Variants in MYO1E observed in about 807,000 individuals in gnomAD.
MYO1E encodes the protein myosin IE.
Under a neutral mutation model 151.1 loss-of-function variants are expected in MYO1E, and 68 were observed. The observed-to-expected ratio is 0.45, with a 90% CI of 0.37 to 0.55. The LOEUF is 0.55. Among genes scored for constraint, MYO1E ranks in the 20% least tolerant of loss-of-function variants. The pLI is 0.00. For synonymous variants in MYO1E, 601 were observed against 501.7 expected, an observed-to-expected ratio of 1.20 and a Z score of -2.64; for missense variants, 1,363 against 1,389.3, an observed-to-expected ratio of 0.98 and a Z score of 0.30.
intron 9 of MYO1E, among the ~76,000 whole-genome samples, chr15:59,222,691 A>G (rs1193175372): frequency 6.6e-6 from 1 of 152,212 alleles, no homozygotes; most frequent in Non-Finnish European, 1.5e-5. Context: ...CAGTTACTGA[A>G]AAGGTTTTGA....
chr15:59,205,027 G>A (rs2079824136), intron 15 of MYO1E, among the ~76,000 whole-genome samples: 1 of 152,220 alleles, frequency 6.6e-6, no homozygotes, highest in Admixed American at 6.5e-5. Context: ...ACATAAAAGG[G>A]AGAGACTGAT....
At chr15:59,140,389 C>CA (rs2079402294) in intron 26 of MYO1E, among the ~76,000 whole-genome samples, 3 of 152,114 alleles carry the variant, frequency 2.0e-5, no homozygotes, top group African/African-American at 7.2e-5. Flanking sequence ...TTAGCAAAAA[C>CA]AAAAAGGAAA....
chr15:59,233,317 T>C (rs1461460205), intron 5 of MYO1E, among the ~76,000 whole-genome samples: 1 of 152,124 alleles, frequency 6.6e-6, no homozygotes, highest in Non-Finnish European at 1.5e-5. Context: ...CAACAGAATT[T>C]TGTGGCATGT....
At chr15:59,205,814 T>C (rs138321822) in intron 14 of MYO1E, among the ~76,000 whole-genome samples, 4 of 152,140 alleles carry the variant, frequency 2.6e-5, no homozygotes, top group African/African-American at 4.8e-5. Flanking sequence ...AGTGGATCCA[T>C]AGGGGTGTCT....
chr15:59,150,719 A>C (rs180877974), intron 26 of MYO1E, among the ~76,000 whole-genome samples: 23 of 152,232 alleles, frequency 1.5e-4, no homozygotes, highest in African/African-American at 5.5e-4. Flanking sequence ...CCCTGGCTTT[A>C]TCAATCAGAC....
intron 3 of MYO1E, among the ~76,000 whole-genome samples, chr15:59,258,300 T>C (rs994565378): frequency 2.0e-5 from 3 of 152,310 alleles, no homozygotes; most frequent in Admixed American, 6.5e-5. Context: ...TGAGCTGAGA[T>C]TGCAGTATTG....
chr15:59,224,939 C>G (rs548158928), intron 7 of MYO1E, 116 bp from the exon 8 acceptor site: 2 of 1,407,108 alleles, frequency 1.4e-6, no homozygotes, highest in East Asian at 4.7e-5. Context: ...TCTAAAATTA[C>G]AGGCAGTCCT....
chr15:59,294,568 C>T (rs1413196660), intron 1 of MYO1E, among the ~76,000 whole-genome samples: 8 of 152,158 alleles, frequency 5.3e-5, no homozygotes, highest in African/African-American at 1.9e-4. Context: ...CTTTGCCCTC[C>T]CGCTTTCAAT....
At chr15:59,147,275 T>C (rs1284524119) in intron 26 of MYO1E, among the ~76,000 whole-genome samples, 11 of 152,156 alleles carry the variant, frequency 7.2e-5, no homozygotes, top group African/African-American at 2.4e-4. Flanking sequence ...TTCATTGTTA[T>C]GATGACTGCA....
intron 1 of MYO1E, among the ~76,000 whole-genome samples, chr15:59,363,540 A>C (rs2080897406): frequency 6.6e-6 from 1 of 152,192 alleles, no homozygotes; most frequent in African/African-American, 2.4e-5. Flanking sequence ...TCAAATTTAG[A>C]AATAATTTAT....
chr15:59,221,934 C>T (rs2079958742), intron 9 of MYO1E, among the ~76,000 whole-genome samples: 1 of 152,128 alleles, frequency 6.6e-6, no homozygotes, highest in African/African-American at 2.4e-5. Flanking sequence ...TGTTAATGAT[C>T]CTACTGGAAA....
At chr15:59,213,136 TTTATTATTATTATTATTATTATTATTA>T (rs147109664) in intron 12 of MYO1E, among the ~76,000 whole-genome samples, 3 of 139,370 alleles carry the variant, frequency 2.2e-5, no homozygotes, top group Admixed American at 7.1e-5. Context: ...GAACTATTTA[TTTATTATTATTATTATTATTATTATTA>T]TTATTATTAT....
chr15:59,182,051 C>T (rs1204316730), intron 18 of MYO1E, among the ~76,000 whole-genome samples: 1 of 152,134 alleles, frequency 6.6e-6, no homozygotes, highest in South Asian at 2.1e-4. Context: ...TGTGTTCTCT[C>T]CAGAGAAATA....
chr15:59,134,918 T>C lies in MYO1E; in HGVS notation c.*2462A>G, dbSNP rs1424014928. 3 of 152,220 alleles carry C rather than the reference T, an allele frequency of 2.0e-5. No individual in the cohort carries two copies. In the South Asian group the frequency reaches 6.2e-4, roughly 32 times the overall value. 9.4% of individuals were successfully genotyped at this position (152,220 alleles called of 1,614,324 possible). On this transcript the variant is annotated 3_prime_UTR_variant, in exon 28 of 28. Transcript: ENST00000288235. ...GTCTTAAAGGGAAAAAAGACATTTT[T>C]CTGAAGACTTTTTAATTAGGAAAAA...
At chr15:59,307,272 C>A (rs935713871) in intron 1 of MYO1E, among the ~76,000 whole-genome samples, 1 of 152,202 alleles carries the variant, frequency 6.6e-6, no homozygotes, top group African/African-American at 2.4e-5. Flanking sequence ...GGCACATGAG[C>A]ATAGGCTACC....
intron 22 of MYO1E, 52 bp from the exon 23 acceptor site, chr15:59,163,355 T>C: frequency 6.4e-7 from 1 of 1,558,730 alleles, no homozygotes; most frequent in Non-Finnish European, 8.7e-7. Flanking sequence ...TTCTGTTTAC[T>C]CTATTGTTTT....
At chr15:59,200,448 G>C (rs1242464332) in intron 16 of MYO1E, among the ~76,000 whole-genome samples, 2 of 152,216 alleles carry the variant, frequency 1.3e-5, no homozygotes, top group East Asian at 3.9e-4. Context: ...AATGTCTCTA[G>C]TTCTTTCAAC....
chr15:59,207,118 C>G, intron 14 of MYO1E: 1 of 1,614,188 alleles, frequency 6.2e-7, no homozygotes, highest in Non-Finnish European at 8.5e-7. Flanking sequence ...GCTTATTGAG[C>G]GTTTCACTTC....
chr15:59,164,594 T>C (rs1291825994), intron 22 of MYO1E, among the ~76,000 whole-genome samples: 3 of 152,192 alleles, frequency 2.0e-5, no homozygotes, highest in African/African-American at 2.4e-5. Context: ...TGGAGAATCT[T>C]TGAGACCCTG....
Sources: allele counts gnomAD v4.1 joint callset (sites outside exome capture counted in the v4.1 genomes callset), GRCh38; gene constraint gnomAD v4.1.1; transcripts MANE v1.5; gene names NCBI Gene and HGNC (gene_info 2026-07-23, HGNC 2026-07-21).